Variants in CEP128 observed in about 807,000 individuals in gnomAD.
CEP128 encodes centrosomal protein 128kDa.
Under a neutral mutation model 156.7 loss-of-function variants are expected in CEP128, and 132 were observed. That is an observed-to-expected ratio of 0.84 (90% confidence interval 0.73 to 0.97). The LOEUF (loss-of-function observed/expected upper bound fraction) is 0.97. Ranked by LOEUF, CEP128 falls within the 50% of genes least tolerant of loss-of-function variation. CEP128 has a pLI of 0.00. For missense variants in CEP128, 1,252 were observed against 1,281.9 expected (o/e 0.98, Z 0.36); for synonymous variants, 469 against 448.9 (o/e 1.04, Z -0.57).
At chr14:80,489,580 TATC>T (rs1887254675), downstream of CEP128, among the ~76,000 whole-genome samples, 1 of 152,186 alleles carries the variant, frequency 6.6e-6, no homozygotes, top group Non-Finnish European at 1.5e-5. Context: ...ATTGCCTCAG[TATC>T]ATGATTTGGC....
At chr14:80,605,959 AC>A (rs1192299312) in intron 19 of CEP128, among the ~76,000 whole-genome samples, 9 of 151,788 alleles carry the variant, frequency 5.9e-5, no homozygotes, top group Non-Finnish European at 1.3e-4. Context: ...TATAGTATAA[AC>A]TTTAAAAAAT....
intron 13 of CEP128, among the ~76,000 whole-genome samples, chr14:80,798,936 C>A (rs1811546431): frequency 6.6e-6 from 1 of 152,120 alleles, no homozygotes; most frequent in African/African-American, 2.4e-5. Context: ...CCCAAATAAA[C>A]CAGGATAAAC....
chr14:80,691,916 C>A (rs1044377970), intron 19 of CEP128, among the ~76,000 whole-genome samples: 5 of 152,048 alleles, frequency 3.3e-5, no homozygotes, highest in African/African-American at 1.2e-4. Context: ...TCCAAAATTA[C>A]AAAGATATTT....
chr14:80,779,016 G>C (rs978114317), intron 15 of CEP128, among the ~76,000 whole-genome samples: 2 of 152,104 alleles, frequency 1.3e-5, no homozygotes, highest in Non-Finnish European at 2.9e-5. Context: ...TTTGAACCCA[G>C]GAATTCTTTC....
chr14:80,853,033 C>T (rs1397803351), intron 9 of CEP128, among the ~76,000 whole-genome samples: 2 of 151,614 alleles, frequency 1.3e-5, no homozygotes, highest in Non-Finnish European at 3.0e-5. Flanking sequence ...TTTAAATACC[C>T]AAAGTTAAGT....
intron 19 of CEP128, among the ~76,000 whole-genome samples, chr14:80,685,875 T>C (rs1031671461): frequency 2.6e-5 from 4 of 152,110 alleles, no homozygotes; most frequent in African/African-American, 9.6e-5. Context: ...CCCTATTCAA[T>C]AAATGATGCT....
At chr14:80,641,773 A>G (rs1399866487) in intron 19 of CEP128, among the ~76,000 whole-genome samples, 1 of 152,144 alleles carries the variant, frequency 6.6e-6, no homozygotes, top group Non-Finnish European at 1.5e-5. Flanking sequence ...CCGTACCAGA[A>G]CAGCTTAGTA....
chr14:80,874,272 T>C (rs570264807), intron 8 of CEP128, among the ~76,000 whole-genome samples: 1 of 152,180 alleles, frequency 6.6e-6, no homozygotes, highest in African/African-American at 2.4e-5. Flanking sequence ...GAGACCAGCC[T>C]GGCCAACATC....
In CEP128 at chr14:80,792,934, G is replaced by A. The variant is rs886762010; in HGVS notation, c.1386C>T (p.Leu462=). 8.1e-6 allele frequency: 13 copies of A among 1,614,034 alleles called. No homozygotes were observed. In the Admixed American group the frequency reaches 1.5e-4, roughly 19 times the overall value. Residue 462 remains leucine, a synonymous_variant, in exon 14 of 25, where the codon CTC becomes CTT. Transcript: ENST00000555265. The stretch of plus-strand genomic sequence containing the variant: ...GAGCCTCTGACTGCTGGAGCTCACT[G>A]AGGTACCGCTCAGCCTGCTTGGTTG... ...EDATKQAERY[L]SELQQSEALK...
intron 23 of CEP128, among the ~76,000 whole-genome samples, chr14:80,523,260 T>G (rs1339221633): frequency 6.6e-6 from 1 of 152,252 alleles, no homozygotes; most frequent in Non-Finnish European, 1.5e-5. Flanking sequence ...ACTGAAATTC[T>G]AATAGTGATC....
chr14:80,646,371 G>A (rs1226255206), intron 19 of CEP128, among the ~76,000 whole-genome samples: 1 of 150,310 alleles, frequency 6.7e-6, no homozygotes, highest in Non-Finnish European at 1.5e-5. Context: ...TTTTGAAAAA[G>A]CAAAGCTTAG....
chr14:80,766,628 A>G (rs1475093784), intron 16 of CEP128, among the ~76,000 whole-genome samples: 1 of 152,200 alleles, frequency 6.6e-6, no homozygotes, highest in African/African-American at 2.4e-5. Flanking sequence ...CTATTACATG[A>G]AGTAAAAACA....
At chr14:80,863,546 A>C (rs908285869) in intron 8 of CEP128, among the ~76,000 whole-genome samples, 8 of 152,198 alleles carry the variant, frequency 5.3e-5, no homozygotes, top group African/African-American at 1.7e-4. Context: ...TCCTTACTAA[A>C]AGTTGCATAA....
intron 19 of CEP128, among the ~76,000 whole-genome samples, chr14:80,710,802 C>T (rs1025502496): frequency 6.6e-6 from 1 of 152,074 alleles, no homozygotes. Context: ...ATAACAAGAA[C>T]TGACAATGCA....
At chr14:80,876,958 C>T (rs1344334564) in intron 8 of CEP128, among the ~76,000 whole-genome samples, 1 of 152,078 alleles carries the variant, frequency 6.6e-6, no homozygotes, top group Non-Finnish European at 1.5e-5. Flanking sequence ...CCTAAATAAA[C>T]CTTTATTGCA....
rs183466116 is a variant in CEP128 at position 80,909,842 on chromosome 14, G to A, written c.235-3761C>T. Reference sequence around the variant, plus strand: ...GACAAAGTACGAAGTCATAAAAATTGTTTTAAACTCTTTTGGATTATAACA... The same window carrying A: ...GACAAAGTACGAAGTCATAAAAATTATTTTAAACTCTTTTGGATTATAACA... On this transcript the variant is annotated intron_variant, in intron 4 of 24. Coordinates refer to ENST00000555265, the MANE Select transcript of CEP128 (RefSeq NM_152446.5). 5.3e-5 allele frequency among the ~76,000 whole-genome samples: 8 copies of A among 152,236 alleles called. No homozygotes were observed. In the East Asian group the frequency reaches 1.5e-3, roughly 29 times the overall value.
At chr14:80,639,334 G>T (rs1327006304) in intron 19 of CEP128, among the ~76,000 whole-genome samples, 5 of 152,096 alleles carry the variant, frequency 3.3e-5, no homozygotes, top group Admixed American at 2.0e-4. Context: ...TATGGGATAA[G>T]TTACCAAAAG....
At chr14:80,781,824 G>A (rs1398124648) in intron 15 of CEP128, among the ~76,000 whole-genome samples, 3 of 152,114 alleles carry the variant, frequency 2.0e-5, no homozygotes, top group Admixed American at 1.3e-4. Context: ...AATGCATATC[G>A]GAATGTGAGA....
At position 80,914,359 on chromosome 14, in the gene CEP128, C is replaced by A. The variant is rs765556143; in HGVS notation, c.197G>T (p.Arg66Leu). The A allele has an allele frequency of 3.1e-6, 5 of 1,613,776 alleles. No homozygotes were observed. The African/African-American group carries it at 6.7e-5, about 22-fold the overall frequency. Residue 66 changes from arginine (R) to leucine (L), a missense_variant, in exon 4 of 25, where the codon CGA becomes CTA. Coordinates refer to ENST00000555265, the MANE Select transcript of CEP128 (RefSeq NM_152446.5). ...ACCCGCCTGTCCATTACTGTATTCT[C>A]GGTATCGTCCAAGCATCTGGTCCAC... ...RQVDQMLGRY[R>L]EYSNGQAGAI... is the part of the protein sequence containing the mutation.
Sources: gnomAD v4.1 joint callset for allele counts (sites outside exome capture counted in the v4.1 genomes callset) on GRCh38, gnomAD v4.1.1 for gene constraint, MANE v1.5 for transcripts, NCBI Gene and HGNC (gene_info 2026-07-23, HGNC 2026-07-21) for gene names.